The following DYNLT5 variants were observed in gnomAD, a reference collection of about 807,000 sequenced individuals.
The protein encoded by DYNLT5 is dynein light chain Tctex-type 5.
DYNLT5 carries 25 observed loss-of-function variants against 19.3 expected under a neutral mutation model. The ratio of observed to expected loss-of-function variants is 1.30; its 90% CI spans 0.95 to 1.81. The LOEUF is 1.81. Among genes scored for constraint, DYNLT5 ranks in the 40% most tolerant of loss-of-function variants. The probability of loss-of-function intolerance (pLI) is 0.00; values close to 1 mark genes in which losing one functional copy is unlikely to be tolerated. For missense variants in DYNLT5, 232 were observed against 217.9 expected, an observed-to-expected ratio of 1.06 and a Z score of -0.41; for synonymous variants, 82 against 68.9, an observed-to-expected ratio of 1.19 and a Z score of -0.94.
At chr1:66,776,688 C>A (rs1645238025) in intron 4 of DYNLT5, among the ~76,000 whole-genome samples, 1 of 151,760 alleles carries the variant, frequency 6.6e-6, no homozygotes, top group Non-Finnish European at 1.5e-5. Context: ...AAAGATACAA[C>A]ATTTTAATGA....
In DYNLT5 at chr1:66,774,558, G is replaced by C. The variant is rs181686772; in HGVS notation, c.212-1721G>C. 1.3e-3 allele frequency among the ~76,000 whole-genome samples: 195 copies of C among 152,322 alleles called. 1 individual carries two copies. The highest frequency in any genetic ancestry group is 4.5e-3 in the African/African-American group (189 of 41,570). Reference sequence around the variant, plus strand: ...TCAGAGGCTGTAACCTTCTGGTTAAGTTCAGCCAGTGGGAAACCTCAGCTG... The same window carrying C: ...TCAGAGGCTGTAACCTTCTGGTTAACTTCAGCCAGTGGGAAACCTCAGCTG... On this transcript the variant is annotated intron_variant, in intron 3 of 4. Coordinates refer to ENST00000282670, the MANE Select transcript of DYNLT5 (RefSeq NM_152665.3).
At chr1:66,765,590 A>C (rs916571658) in intron 2 of DYNLT5, among the ~76,000 whole-genome samples, 4 of 152,084 alleles carry the variant, frequency 2.6e-5, no homozygotes, top group African/African-American at 4.8e-5. Context: ...TTAAGAAAAA[A>C]ATGAATTTCA....
Position 66,770,421 on chromosome 1 carries a change from A to T in DYNLT5, c.154A>T (p.Ser52Cys). ...MSTVSYMEEP[S>C]QRDDISRLTV... ...TACTGTGTCTTATATGGAAGAACCC[A>T]GTCAGCGTGATGATATCTCTCGCCT... The change falls in exon 3 of 5, where the codon AGT becomes TGT. Residue 52 changes from serine (S) to cysteine (C), a missense_variant. By Grantham distance (112) the Ser-to-Cys change is moderately radical (BLOSUM62 -1). Transcript: ENST00000282670. The T allele has an allele frequency of 1.2e-6, 2 of 1,613,632 alleles. No individual in the cohort carries two copies.
chr1:66,776,487 G>A, intron 4 of DYNLT5, 84 bp downstream of exon 4: 7 of 1,466,728 alleles, frequency 4.8e-6, no homozygotes, highest in Non-Finnish European at 6.4e-6. Flanking sequence ...TTTGATGAGG[G>A]GAATTAATTT....
intron 3 of DYNLT5, 170 bp from the exon 4 acceptor site, chr1:66,776,109 C>G (rs1261402732): frequency 1.3e-6 from 1 of 742,064 alleles, no homozygotes; most frequent in East Asian, 3.0e-5. Context: ...TTCTTGTTCT[C>G]TCTCAGAGCA....
In DYNLT5 at chr1:66,777,378, A is replaced by C; in HGVS notation, c.464A>C (p.Asp155Ala). 6.2e-7 allele frequency: 1 copy of C among 1,613,842 alleles called. No individual in the cohort carries two copies. Among genetic ancestry groups the C allele is most frequent in the East Asian group, 2.2e-5 (1 of 44,872 alleles). Residue 155 changes from aspartate to alanine, a missense_variant, in exon 5 of 5, where the codon GAT (aspartate) becomes GCT (alanine). Transcript: ENST00000282670. ...AGATGCCTCTGGGATCCTAAAAGTG[A>C]TACCTTTTCATCTTATGTTTTCAGA... ...GSRCLWDPKS[D>A]TFSSYVFRNS...
intron 3 of DYNLT5, among the ~76,000 whole-genome samples, chr1:66,774,057 C>T (rs1645220818): frequency 1.3e-5 from 2 of 151,816 alleles, no homozygotes; most frequent in South Asian, 4.2e-4. Context: ...TTAATCTAAG[C>T]GAAGTATGGA....
intron 2 of DYNLT5, among the ~76,000 whole-genome samples, chr1:66,756,009 T>C (rs186640588): frequency 1.1e-4 from 17 of 152,342 alleles, no homozygotes; most frequent in East Asian, 3.9e-4. Context: ...TGCATGACTT[T>C]TACTTATCTT....
intron 4 of DYNLT5, 45 bp from the exon 5 acceptor site, chr1:66,777,206 T>C: frequency 6.6e-7 from 1 of 1,519,496 alleles, no homozygotes; most frequent in Non-Finnish European, 9.1e-7. Flanking sequence ...GCTTTTGAGT[T>C]TCAATGTAGC....
intron 2 of DYNLT5, among the ~76,000 whole-genome samples, chr1:66,762,710 G>T (rs2094648107): frequency 6.6e-6 from 1 of 152,080 alleles, no homozygotes; most frequent in African/African-American, 2.4e-5. Context: ...AGATTTATGG[G>T]GTGAAAAGAA....
intron 1 of DYNLT5, among the ~76,000 whole-genome samples, chr1:66,753,060 C>T (rs2094629775): frequency 6.6e-6 from 1 of 152,224 alleles, no homozygotes; most frequent in Non-Finnish European, 1.5e-5. Flanking sequence ...CACCTTCGTA[C>T]ACACGAACAC....
In DYNLT5 at chr1:66,778,133, G is replaced by A. The variant is rs1464584407; in HGVS notation, c.*679G>A. 1 of 152,602 alleles carries A rather than the reference G, an allele frequency of 6.6e-6. No individual in the cohort carries two copies. Among genetic ancestry groups the A allele is most frequent in the Non-Finnish European group, 1.5e-5 (1 of 68,026 alleles). The allele number at this position is 152,602 out of a possible 1,614,324, so 9.5% of individuals were successfully genotyped here. ...TCTTCAGTAATGGAAACTATAAAGT[G>A]AATAAAGGCTTTTTGGGACACTGAA... On this transcript the variant is annotated 3_prime_UTR_variant, in exon 5 of 5. Transcript: ENST00000282670.
chr1:66,772,011 T>A (rs1645206916), intron 3 of DYNLT5, among the ~76,000 whole-genome samples: 1 of 152,216 alleles, frequency 6.6e-6, no homozygotes, highest in Non-Finnish European at 1.5e-5. Context: ...TATTTTATGC[T>A]TGACAATTCC....
chr1:66,769,655 A>T (rs779264694), intron 2 of DYNLT5, among the ~76,000 whole-genome samples: 1 of 152,110 alleles, frequency 6.6e-6, no homozygotes, highest in Non-Finnish European at 1.5e-5. Flanking sequence ...GACTGTCATT[A>T]GTTACAGCTG....
intron 2 of DYNLT5, among the ~76,000 whole-genome samples, chr1:66,762,553 G>A (rs1572546000): frequency 6.6e-6 from 1 of 152,252 alleles, no homozygotes; most frequent in East Asian, 1.9e-4. Flanking sequence ...TGTTAATGTT[G>A]ACACTTTGAC....
intron 2 of DYNLT5, among the ~76,000 whole-genome samples, chr1:66,769,883 T>C (rs992888322): frequency 6.6e-6 from 1 of 152,198 alleles, no homozygotes; most frequent in Non-Finnish European, 1.5e-5. Flanking sequence ...GTTTCTCATT[T>C]TTCTTTTTCA....
intron 2 of DYNLT5, among the ~76,000 whole-genome samples, chr1:66,769,219 A>T (rs1645187397): frequency 6.6e-6 from 1 of 152,112 alleles, no homozygotes; most frequent in African/African-American, 2.4e-5. Flanking sequence ...AGATTAAGTC[A>T]CTCATCCAGA....
chr1:66,769,711 T>C (rs1368658262), intron 2 of DYNLT5, among the ~76,000 whole-genome samples: 1 of 152,168 alleles, frequency 6.6e-6, no homozygotes, highest in Non-Finnish European at 1.5e-5. Context: ...GGAGAGACAG[T>C]GGGGCCTCCT....
intron 2 of DYNLT5, among the ~76,000 whole-genome samples, chr1:66,763,595 A>G (rs769522114): frequency 5.3e-5 from 8 of 152,224 alleles, no homozygotes; most frequent in Non-Finnish European, 1.0e-4. Flanking sequence ...CAGCTTCTAC[A>G]TCAGCACTTG....
Sources: gnomAD v4.1 joint callset for allele counts (sites outside exome capture counted in the v4.1 genomes callset) on GRCh38, gnomAD v4.1.1 for gene constraint, MANE v1.5 for transcripts, NCBI Gene and HGNC (gene_info 2026-07-23, HGNC 2026-07-21) for gene names.